FUT8: variants seen among roughly 807,000 people sequenced by gnomAD.
FUT8 encodes the protein alpha-(1,6)-fucosyltransferase.
A neutral mutation model predicts 71.3 loss-of-function variants in FUT8; 29 were observed. The observed-to-expected ratio is 0.41, with a 90% confidence interval of 0.30 to 0.55. FUT8 has a LOEUF of 0.55. FUT8 is among the 20% of genes least tolerant of loss of function. The pLI, the probability that FUT8 is intolerant of heterozygous loss-of-function variation, is 0.34. For synonymous variants in FUT8, 254 were observed against 239.3 expected, an observed-to-expected ratio of 1.06 and a Z score of -0.57; for missense variants, 544 against 702.1, an observed-to-expected ratio of 0.77 and a Z score of 2.55.
At chr14:65,632,774 A>G (rs1555377584) in intron 6 of FUT8, among the ~76,000 whole-genome samples, 1 of 152,144 alleles carries the variant, frequency 6.6e-6, no homozygotes, top group Non-Finnish European at 1.5e-5. Flanking sequence ...TGGGTTCTTG[A>G]TTATGAAATC....
At chr14:65,526,733 C>T (rs1883497293) in intron 2 of FUT8, among the ~76,000 whole-genome samples, 2 of 152,150 alleles carry the variant, frequency 1.3e-5, no homozygotes, top group Admixed American at 1.3e-4. Context: ...GTGCTTCCTT[C>T]AGGAGCTCTT....
At chr14:65,462,010 T>C (rs1461903943) in intron 2 of FUT8, among the ~76,000 whole-genome samples, 1 of 152,230 alleles carries the variant, frequency 6.6e-6, no homozygotes, top group African/African-American at 2.4e-5. Context: ...TGTGGGACTA[T>C]TGGGTTTGTT....
At chr14:65,659,132 A>T (rs952082968) in intron 6 of FUT8, among the ~76,000 whole-genome samples, 2 of 152,072 alleles carry the variant, frequency 1.3e-5, no homozygotes, top group African/African-American at 4.8e-5. Context: ...AACTGGTTAC[A>T]GTACTGTTCA....
intron 3 of FUT8, among the ~76,000 whole-genome samples, chr14:65,612,940 A>T (rs1353854103): frequency 6.6e-6 from 1 of 152,214 alleles, no homozygotes. Flanking sequence ...AGTATTCAGA[A>T]AAGAGACTGT....
At chr14:65,438,169 G>A (rs2065589776) in intron 1 of FUT8, among the ~76,000 whole-genome samples, 1 of 152,092 alleles carries the variant, frequency 6.6e-6, no homozygotes, top group Admixed American at 6.5e-5. Context: ...TTTCAGTCTA[G>A]CCATTTTGTA....
chr14:65,442,341 A>G (rs1267376663), intron 1 of FUT8, among the ~76,000 whole-genome samples: 1 of 151,724 alleles, frequency 6.6e-6, no homozygotes, highest in Non-Finnish European at 1.5e-5. Flanking sequence ...ACACCCAGCC[A>G]ATTTTTGTAT....
rs2140373497 is a variant in FUT8, at chr14:65,669,901, C to G, written c.835+421C>G. Among the ~76,000 whole-genome samples the G allele has an allele frequency of 6.6e-6, 1 of 152,134 alleles. No individual in the cohort carries two copies. ...ATCATCTGGAAGGTTTCATAAAACT[C>G]CATTTTCTGTTAAGGAAGGTCTAGG... is the stretch of plus-strand genomic sequence containing the variant. On this transcript the variant is annotated intron_variant, in intron 7 of 10. Coordinates refer to ENST00000673929, the MANE Select transcript of FUT8 (RefSeq NM_001371533.1). The surrounding 1 kb of genome is among the most constrained non-coding windows in gnomAD (Gnocchi z 4.5).
the FUT8 span, among the ~76,000 whole-genome samples, chr14:65,380,038 T>G: frequency 6.6e-6 from 1 of 152,210 alleles, no homozygotes; most frequent in Admixed American, 6.5e-5. Context: ...GGGATTAAGT[T>G]TTAACAGGAA....
At chr14:65,729,883 G>A (rs954968243) in intron 9 of FUT8, among the ~76,000 whole-genome samples, 8 of 152,094 alleles carry the variant, frequency 5.3e-5, no homozygotes, top group African/African-American at 1.9e-4. Context: ...AAATATAGTA[G>A]TAGCCTTTTA....
intron 2 of FUT8, among the ~76,000 whole-genome samples, chr14:65,538,613 A>G (rs959352626): frequency 2.6e-5 from 4 of 152,114 alleles, no homozygotes; most frequent in African/African-American, 9.7e-5. Flanking sequence ...GTCGCTACTG[A>G]TATCTTTAAA....
At chr14:65,636,648 TG>T (rs1890574017) in intron 6 of FUT8, 1 of 152,222 alleles carries the variant, frequency 6.6e-6, no homozygotes, top group Non-Finnish European at 1.5e-5. Flanking sequence ...TGTGTTTGCA[TG>T]GTTTTAAAGG....
At chr14:65,544,640 T>C (rs965613839) in intron 2 of FUT8, among the ~76,000 whole-genome samples, 1 of 152,162 alleles carries the variant, frequency 6.6e-6, no homozygotes, top group African/African-American at 2.4e-5. Flanking sequence ...TGTGTGTAAT[T>C]GTTAAGGTGA....
rs1478525540 is a variant in FUT8, at chr14:65,443,040, G to A, written c.-325-12581G>A. Among the ~76,000 whole-genome samples, 7 of 152,060 alleles carry A rather than the reference G, an allele frequency of 4.6e-5. No individual in the cohort carries two copies. In the South Asian group the frequency reaches 8.3e-4, roughly 18 times the overall value. On this transcript the variant is annotated intron_variant, in intron 1 of 10. Transcript: ENST00000673929. ...TAAGATGTTAATAATAGGGAAAACCGGATAGAGGAGTAGTATATGGAAACT... is the reference window on the plus strand; with the variant it reads ...TAAGATGTTAATAATAGGGAAAACCAGATAGAGGAGTAGTATATGGAAACT...
chr14:65,705,930 T>G (rs943847132), intron 7 of FUT8, among the ~76,000 whole-genome samples: 6 of 152,330 alleles, frequency 3.9e-5, no homozygotes, highest in African/African-American at 1.4e-4. Flanking sequence ...CTTTCATATA[T>G]TTTTCAGATA....
At chr14:65,586,656 C>A (rs1272798394) in intron 3 of FUT8, among the ~76,000 whole-genome samples, 1 of 152,002 alleles carries the variant, frequency 6.6e-6, no homozygotes, top group Non-Finnish European at 1.5e-5. Flanking sequence ...AGACATTAGT[C>A]CAGTATATTA....
At chr14:65,534,241 A>C (rs560966733) in intron 2 of FUT8, among the ~76,000 whole-genome samples, 3 of 151,142 alleles carry the variant, frequency 2.0e-5, no homozygotes, top group Admixed American at 6.6e-5. Context: ...TCCCACTTCA[A>C]CCTCCTGAAT....
chr14:65,426,249 T>C (rs901911405), intron 1 of FUT8, among the ~76,000 whole-genome samples: 6 of 152,198 alleles, frequency 3.9e-5, no homozygotes, highest in African/African-American at 1.4e-4. Flanking sequence ...TTACTTAGCC[T>C]AATGTCCTTC....
chr14:65,386,105 C>T, the FUT8 span, among the ~76,000 whole-genome samples: 1 of 149,986 alleles, frequency 6.7e-6, no homozygotes, highest in Non-Finnish European at 1.5e-5. Context: ...TGAGCAGAGA[C>T]TGCGCCCTTG....
the FUT8 span, among the ~76,000 whole-genome samples, chr14:65,400,839 C>T: frequency 2.0e-5 from 3 of 152,110 alleles, no homozygotes; most frequent in Admixed American, 2.0e-4. Context: ...GAGCCAGGAT[C>T]GTGCCACTGC....
Sources: gnomAD v4.1 joint callset for allele counts (sites outside exome capture counted in the v4.1 genomes callset) on GRCh38, gnomAD v4.1.1 for gene constraint, Gnocchi (gnomAD v3.1) non-coding constraint, MANE v1.5 for transcripts, NCBI Gene and HGNC (gene_info 2026-07-23, HGNC 2026-07-21) for gene names.